The following KIF1B variants were observed in gnomAD, a reference collection of about 807,000 sequenced individuals.
KIF1B encodes kinesin-like protein KIF1B.
KIF1B carries 76 observed loss-of-function variants against 241.9 expected under a neutral mutation model. The observed-to-expected ratio is 0.31, with a 90% CI of 0.26 to 0.38. The LOEUF (loss-of-function observed/expected upper bound fraction) is 0.38, where lower values mean the gene tolerates loss of function less well. KIF1B is among the 10% of genes least tolerant of loss of function. KIF1B has a pLI of 1.00. For missense variants in KIF1B, 1,622 were observed against 2,271.4 expected (o/e 0.71, Z 5.81); for synonymous variants, 750 against 796.7 (o/e 0.94, Z 0.99).
chr1:10,215,072 G>GT (rs950049642), intron 1 of KIF1B, among the ~76,000 whole-genome samples: 4 of 138,344 alleles, frequency 2.9e-5, no homozygotes, highest in African/African-American at 1.1e-4. Context: ...TTGTCTTGTG[G>GT]TTTTTTGTAT....
intron 22 of KIF1B, among the ~76,000 whole-genome samples, chr1:10,301,569 G>A (rs1650543953): frequency 1.3e-5 from 2 of 152,090 alleles, no homozygotes; most frequent in African/African-American, 4.8e-5. Flanking sequence ...GGGAGGCTGA[G>A]GCAGGAGAAT....
At chr1:10,372,663 G>GCTGGCGCGCAGCGGCGCAATCTCGGCTCA (rs1557744780) in intron 45 of KIF1B, among the ~76,000 whole-genome samples, 135 of 116,936 alleles carry the variant, frequency 1.2e-3, no homozygotes, top group African/African-American at 4.3e-3. Flanking sequence ...GGGTGACAGA[G>GCTGGCGCGCAGCGGCGCAATCTCGGCTCA]CTGTCACCCA....
intron 44 of KIF1B, among the ~76,000 whole-genome samples, chr1:10,370,670 TGAC>T (rs781651600): frequency 1.4e-5 from 2 of 142,650 alleles, no homozygotes; most frequent in Non-Finnish European, 3.1e-5. Flanking sequence ...ATAATAATAA[TGAC>T]AACAATAATA....
chr1:10,259,262 C>T (rs1025482734), intron 4 of KIF1B, among the ~76,000 whole-genome samples: 1 of 148,448 alleles, frequency 6.7e-6, no homozygotes, highest in East Asian at 2.0e-4. Context: ...TTTCATTATT[C>T]GTTTCACTTA....
At chr1:10,285,766 C>T (rs1371049062) in intron 15 of KIF1B, among the ~76,000 whole-genome samples, 1 of 152,116 alleles carries the variant, frequency 6.6e-6, no homozygotes, top group Non-Finnish European at 1.5e-5. Context: ...ATCTTTCATC[C>T]GTAGCGCCAG....
Position 10,378,574 on chromosome 1 carries a change from G to T in KIF1B, c.*1987G>T. 1.6e-6 allele frequency: 1 copy of T among 620,342 alleles called. No homozygotes were observed. 38.4% of individuals were successfully genotyped at this position (620,342 alleles called of 1,614,324 possible). On this transcript the variant is annotated 3_prime_UTR_variant, in exon 49 of 49. Transcript: ENST00000676179. ...GCTCACTCCCACTTGGTGAGTCCTC[G>T]GCCTTGAGGTTGCTGACTCTCAGGC...
intron 27 of KIF1B, among the ~76,000 whole-genome samples, chr1:10,327,791 A>G (rs561049879): frequency 1.7e-4 from 26 of 152,354 alleles, no homozygotes; most frequent in South Asian, 2.1e-4. Context: ...GGTACATTAG[A>G]ATCACATATT....
At chr1:10,314,189 A>G (rs537015676) in intron 22 of KIF1B, among the ~76,000 whole-genome samples, 3 of 151,468 alleles carry the variant, frequency 2.0e-5, no homozygotes, top group Non-Finnish European at 4.4e-5. Context: ...GCCAAAATAT[A>G]TTATTTTTTA....
chr1:10,344,312 A>G (rs1652509822), intron 34 of KIF1B, among the ~76,000 whole-genome samples: 1 of 152,132 alleles, frequency 6.6e-6, no homozygotes, highest in South Asian at 2.1e-4. Flanking sequence ...AATTAGCTCC[A>G]CCTTAGATGT....
chr1:10,339,561 CA>C (rs1297621871), intron 31 of KIF1B, among the ~76,000 whole-genome samples: 3 of 152,162 alleles, frequency 2.0e-5, no homozygotes, highest in African/African-American at 7.2e-5. Flanking sequence ...TGATCAGGGT[CA>C]GTTAATTTTT....
At chr1:10,310,687 A>G (rs983153334) in intron 22 of KIF1B, among the ~76,000 whole-genome samples, 1 of 151,526 alleles carries the variant, frequency 6.6e-6, no homozygotes, top group African/African-American at 2.5e-5. Flanking sequence ...GATACATGCC[A>G]GTTGCTGGGA....
At chr1:10,248,020 C>T (rs1647259058) in intron 2 of KIF1B, among the ~76,000 whole-genome samples, 1 of 152,216 alleles carries the variant, frequency 6.6e-6, no homozygotes, top group Non-Finnish European at 1.5e-5. Context: ...TTGCTCACCT[C>T]CTCCTGTGTG....
At chr1:10,222,237 G>A (rs1056281668) in intron 1 of KIF1B, among the ~76,000 whole-genome samples, 1 of 152,182 alleles carries the variant, frequency 6.6e-6, no homozygotes, top group African/African-American at 2.4e-5. Flanking sequence ...ATTTGACCTT[G>A]TCCTTGAAAG....
chr1:10,360,708 A>C (rs1361180686), intron 38 of KIF1B, among the ~76,000 whole-genome samples: 1 of 151,610 alleles, frequency 6.6e-6, no homozygotes, highest in East Asian at 1.9e-4. Flanking sequence ...AAAAAGCACA[A>C]CTAAGTGTTC....
rs537188139 is a variant in KIF1B, at chr1:10,377,258, G to A, written c.*671G>A. The A allele has an allele frequency of 1.1e-4, 25 of 229,816 alleles. No homozygotes were observed. In the South Asian group the frequency reaches 4.3e-3, roughly 40 times the overall value. 14.2% of individuals were successfully genotyped at this position (229,816 alleles called of 1,614,324 possible). Reference sequence around the variant, plus strand: ...CTGAGTCAAAGTTGGGGCTTTTTACGGCATAATTATGGAATTTTTATTTAC... The same window carrying A: ...CTGAGTCAAAGTTGGGGCTTTTTACAGCATAATTATGGAATTTTTATTTAC... On this transcript the variant is annotated 3_prime_UTR_variant, in exon 49 of 49. Transcript: ENST00000676179.
At chr1:10,258,712 T>C (rs1279649022) in intron 4 of KIF1B, 40 bp downstream of exon 4, 1 of 1,590,772 alleles carries the variant, frequency 6.3e-7, no homozygotes, top group Non-Finnish European at 8.6e-7. Flanking sequence ...TCTTCATTAT[T>C]AGTGTTAGTC....
chr1:10,226,645 C>G (rs1487438836), intron 1 of KIF1B, among the ~76,000 whole-genome samples: 1 of 152,260 alleles, frequency 6.6e-6, no homozygotes, highest in Admixed American at 6.5e-5. Flanking sequence ...TAATACCCAG[C>G]CTATCTTCAG....
chr1:10,276,465 A>G (rs1649113990), intron 12 of KIF1B, 66 bp downstream of exon 12: 1 of 1,095,768 alleles, frequency 9.1e-7, no homozygotes, highest in Non-Finnish European at 1.4e-6. Context: ...TTGTGATACC[A>G]TGGATGTTTT....
At chr1:10,341,548 A>T (rs1652391280) in intron 32 of KIF1B, among the ~76,000 whole-genome samples, 1 of 152,244 alleles carries the variant, frequency 6.6e-6, no homozygotes, top group African/African-American at 2.4e-5. Context: ...GAGGCAAAGT[A>T]TGGAAGATCT....
Sources: gnomAD v4.1 joint callset for allele counts (sites outside exome capture counted in the v4.1 genomes callset) on GRCh38, gnomAD v4.1.1 for gene constraint, MANE v1.5 for transcripts, NCBI Gene and HGNC (gene_info 2026-07-23, HGNC 2026-07-21) for gene names.